Variants in DGKI observed in about 807,000 individuals in gnomAD.
The protein encoded by DGKI is DAG kinase iota.
Under a neutral mutation model 147.5 loss-of-function variants are expected in DGKI, and 55 were observed. The observed-to-expected ratio is 0.37, with a 90% CI of 0.30 to 0.47. The LOEUF is 0.47. Ranked by LOEUF, DGKI falls within the 20% of genes least tolerant of loss-of-function variation. The probability of loss-of-function intolerance (pLI) is 1.00; values close to 1 mark genes in which losing one functional copy is unlikely to be tolerated. For missense variants in DGKI, 1,007 were observed against 1,323.8 expected (o/e 0.76, Z 3.71); for synonymous variants, 469 against 477.1 (o/e 0.98, Z 0.22).
chr7:137,706,918 G>A (rs559452187), intron 1 of DGKI, among the ~76,000 whole-genome samples: 31 of 152,114 alleles, frequency 2.0e-4, no homozygotes, highest in Non-Finnish European at 3.4e-4. Flanking sequence ...CCAGTCCTAG[G>A]TTATTGACCT....
chr7:137,407,404 T>A (rs1445660443), intron 30 of DGKI, among the ~76,000 whole-genome samples: 1 of 151,932 alleles, frequency 6.6e-6, no homozygotes, highest in African/African-American at 2.4e-5. Flanking sequence ...AAAGCGTAAC[T>A]TGGGTGGAAA....
intron 1 of DGKI, among the ~76,000 whole-genome samples, chr7:137,811,613 G>C (rs191102367): frequency 2.0e-5 from 3 of 152,304 alleles, no homozygotes; most frequent in Admixed American, 2.0e-4. Context: ...GGGTTGTGGT[G>C]CAGCATCCCC....
intron 6 of DGKI, among the ~76,000 whole-genome samples, chr7:137,624,531 G>A (rs570653064): frequency 4.5e-4 from 68 of 152,032 alleles, no homozygotes; most frequent in Middle Eastern, 3.4e-3. Flanking sequence ...ATTTTTCAGC[G>A]CCCATAATCC....
intron 1 of DGKI, chr7:137,722,774 C>G (rs2116624026): frequency 1.4e-6 from 2 of 1,427,528 alleles, no homozygotes; most frequent in Non-Finnish European, 2.0e-6. Flanking sequence ...AAAATCAAAG[C>G]TATTCCTCAG....
intron 23 of DGKI, among the ~76,000 whole-genome samples, chr7:137,472,251 C>T (rs571014084): frequency 0.017 from 1,046 of 62,028 alleles, 33 homozygotes; most frequent in African/African-American, 0.061. Flanking sequence ...TATATATACA[C>T]ATAATATTAT....
At chr7:137,768,657 T>C (rs1241354329) in intron 1 of DGKI, among the ~76,000 whole-genome samples, 3 of 152,176 alleles carry the variant, frequency 2.0e-5, no homozygotes, top group African/African-American at 4.8e-5. Flanking sequence ...CTGTGCCTCA[T>C]TACATAAGGT....
At chr7:137,518,076 G>C (rs975687895) in intron 21 of DGKI, among the ~76,000 whole-genome samples, 5 of 152,028 alleles carry the variant, frequency 3.3e-5, no homozygotes, top group Admixed American at 2.6e-4. Flanking sequence ...CCTACTTTGA[G>C]TCTGGTTTTA....
chr7:137,695,396 A>G (rs1823747879), intron 1 of DGKI, among the ~76,000 whole-genome samples: 1 of 152,222 alleles, frequency 6.6e-6, no homozygotes, highest in Admixed American at 6.5e-5. Flanking sequence ...ACAGACCCCA[A>G]TCACTGCTGC....
intron 10 of DGKI, 23 bp downstream of exon 10, chr7:137,608,943 G>T: frequency 6.4e-7 from 1 of 1,566,948 alleles, no homozygotes; most frequent in Non-Finnish European, 8.8e-7. Context: ...CTTCTAAGTT[G>T]AAAATCATGA....
intron 21 of DGKI, among the ~76,000 whole-genome samples, chr7:137,521,192 A>C (rs1395706233): frequency 2.6e-5 from 4 of 152,082 alleles, no homozygotes; most frequent in Admixed American, 6.6e-5. Flanking sequence ...AGACAGATTT[A>C]ATGCAGTGAT....
At chr7:137,543,566 G>A (rs1817769311) in intron 20 of DGKI, among the ~76,000 whole-genome samples, 1 of 152,070 alleles carries the variant, frequency 6.6e-6, no homozygotes, top group Non-Finnish European at 1.5e-5. Flanking sequence ...ATCACTTCAA[G>A]CTTCTTGAAG....
At chr7:137,616,243 T>C (rs1345493989) in intron 8 of DGKI, among the ~76,000 whole-genome samples, 1 of 152,120 alleles carries the variant, frequency 6.6e-6, no homozygotes, top group Non-Finnish European at 1.5e-5. Flanking sequence ...TCCTCAGATA[T>C]AGAGTAAGAA....
intron 1 of DGKI, among the ~76,000 whole-genome samples, chr7:137,812,089 G>T (rs1797607365): frequency 6.6e-6 from 1 of 152,178 alleles, no homozygotes; most frequent in African/African-American, 2.4e-5. Context: ...CAAAGGACTA[G>T]ATCCCAGGGA....
intron 18 of DGKI, 22 bp from the exon 19 acceptor site, chr7:137,571,308 A>G: frequency 2.0e-6 from 3 of 1,535,270 alleles, no homozygotes; most frequent in East Asian, 2.3e-5. Context: ...GATTAAAGAC[A>G]GAAGTAAATA....
At chr7:137,469,751 G>C in intron 23 of DGKI, 132 bp from the exon 24 acceptor site, 1 of 621,886 alleles carries the variant, frequency 1.6e-6, no homozygotes, top group Non-Finnish European at 2.5e-6. Flanking sequence ...TTTTCTCTAG[G>C]AACACAAAGA....
At chr7:137,842,897 G>A (rs1405274628) in intron 1 of DGKI, among the ~76,000 whole-genome samples, 1 of 152,096 alleles carries the variant, frequency 6.6e-6, no homozygotes, top group East Asian at 1.9e-4. Context: ...AGATGAGGGG[G>A]AAGATAACTC....
chr7:137,824,532 AAAAG>A (rs1440610764), intron 1 of DGKI, among the ~76,000 whole-genome samples: 53,854 of 126,178 alleles, frequency 0.43, 11,059 homozygotes, highest in Middle Eastern at 0.53. Context: ...AAAAAAAAGA[AAAAG>A]AAAAGAAAAT....
chr7:137,425,312 AC>A (rs1379218084), intron 28 of DGKI, among the ~76,000 whole-genome samples: 10 of 152,134 alleles, frequency 6.6e-5, no homozygotes, highest in Admixed American at 6.5e-4. Flanking sequence ...CCTCTAGCAA[AC>A]TCCAACAGAC....
Position 137,754,652 on chromosome 7 carries a change from G to A in DGKI, c.402-64650C>T, listed in dbSNP as rs147555706. Among the ~76,000 whole-genome samples the A allele has an allele frequency of 1.9e-3, 294 of 152,342 alleles. 1 individual carries two copies. The highest frequency in any genetic ancestry group is 5.9e-3 in the African/African-American group (247 of 41,582). On this transcript the variant is annotated intron_variant, in intron 1 of 32. Transcript: ENST00000614521. ...TGGATAATTGATAGCATGTCAAGTT[G>A]ATGCTAAGAAAAGAACAAGGTGGGT...
Sources: allele counts gnomAD v4.1 joint callset (sites outside exome capture counted in the v4.1 genomes callset), GRCh38; gene constraint gnomAD v4.1.1; transcripts MANE v1.5; gene names NCBI Gene and HGNC (gene_info 2026-07-23, HGNC 2026-07-21).